The following RAG1 variants were observed in gnomAD, a reference collection of about 807,000 sequenced individuals.
The protein encoded by RAG1 is V(D)J recombination-activating protein 1.
A neutral mutation model predicts 62.7 loss-of-function variants in RAG1; 35 were observed. The observed-to-expected ratio is 0.56, with a 90% CI of 0.43 to 0.74. RAG1 has a LOEUF of 0.74. Among genes scored for constraint, RAG1 ranks in the 30% least tolerant of loss-of-function variants. The probability of loss-of-function intolerance (pLI) is 0.00; values close to 1 mark genes in which losing one functional copy is unlikely to be tolerated. For missense variants in RAG1, 1,169 were observed against 1,278.6 expected, an observed-to-expected ratio of 0.91 and a Z score of 1.31; for synonymous variants, 461 against 470.3, an observed-to-expected ratio of 0.98 and a Z score of 0.26.
chr11:36,544,218 G>C (rs908609311), intron 3 of RAG1, among the ~76,000 whole-genome samples: 2 of 152,148 alleles, frequency 1.3e-5, no homozygotes, highest in Non-Finnish European at 2.9e-5. Context: ...AAGTTAAGGA[G>C]GTTGTCCTGC....
Position 36,575,547 on chromosome 11 carries a change from C to A in RAG1, c.2243C>A (p.Ser748Tyr), listed in dbSNP as rs1314302707. The change falls in exon 2 of 2, where the codon TCT (serine) becomes TAT (tyrosine). Residue 748 changes from serine (S) to tyrosine (Y), a missense_variant. Coordinates refer to ENST00000299440, the MANE Select transcript of RAG1 (RefSeq NM_000448.3). The surrounding 1 kb of genome is among the most constrained non-coding windows in gnomAD (Gnocchi z 4.1). ...LEASQNLVFH[S>Y]ITRSHAENLE... Reference sequence around the variant, plus strand: ...GCCTCTCAAAATCTTGTCTTCCACTCTATAACCAGAAGCCATGCTGAGAAC... The same window carrying A: ...GCCTCTCAAAATCTTGTCTTCCACTATATAACCAGAAGCCATGCTGAGAAC... 6.2e-7 allele frequency: 1 copy of A among 1,614,200 alleles called. No homozygotes were observed.
intron 1 of RAG1, among the ~76,000 whole-genome samples, chr11:36,517,559 C>G (rs987814567): frequency 2.6e-5 from 4 of 152,084 alleles, no homozygotes; most frequent in Non-Finnish European, 5.9e-5. Flanking sequence ...TTTATTAATG[C>G]TATCATACCT....
At chr11:36,540,161 A>G (rs1860393774), downstream of RAG1, among the ~76,000 whole-genome samples, 1 of 152,066 alleles carries the variant, frequency 6.6e-6, no homozygotes, top group Non-Finnish European at 1.5e-5. Context: ...CCGGGGGGAG[A>G]AGCAGTCAGA....
At chr11:36,539,723 C>T (rs1405377349), downstream of RAG1, among the ~76,000 whole-genome samples, 1 of 152,180 alleles carries the variant, frequency 6.6e-6, no homozygotes, top group African/African-American at 2.4e-5. Flanking sequence ...GGTGATCTGC[C>T]CACCTCGGCC....
At chr11:36,540,670 T>A (rs1860403251), downstream of RAG1, among the ~76,000 whole-genome samples, 1 of 152,202 alleles carries the variant, frequency 6.6e-6, no homozygotes, top group Admixed American at 6.5e-5. Context: ...TCTCCCAAAG[T>A]GCTGGGATTA....
At chr11:36,563,067 G>A (rs12282321), upstream of RAG1, among the ~76,000 whole-genome samples, 3 of 152,116 alleles carry the variant, frequency 2.0e-5, no homozygotes, top group Non-Finnish European at 4.4e-5. Flanking sequence ...ATACCAGTAA[G>A]ATTGGATTAG....
downstream of RAG1, among the ~76,000 whole-genome samples, chr11:36,540,867 C>A (rs750858888): frequency 9.2e-5 from 14 of 152,104 alleles, no homozygotes; most frequent in Non-Finnish European, 1.9e-4. Flanking sequence ...ATTTTGACTT[C>A]AACAGTTCAT....
chr11:36,536,451 A>C (rs1041278128), downstream of RAG1, among the ~76,000 whole-genome samples: 1 of 152,104 alleles, frequency 6.6e-6, no homozygotes, highest in African/African-American at 2.4e-5. Context: ...TAAAAGTCTA[A>C]AATAAAACCA....
At chr11:36,516,575 G>A (rs1205277367) in intron 1 of RAG1, among the ~76,000 whole-genome samples, 1 of 152,212 alleles carries the variant, frequency 6.6e-6, no homozygotes, top group East Asian at 1.9e-4. Context: ...ACCTGCCTCG[G>A]CCTCCCAAAG....
chr11:36,550,445 T>C (rs536334798), intron 3 of RAG1, among the ~76,000 whole-genome samples: 2 of 152,172 alleles, frequency 1.3e-5, no homozygotes, highest in Non-Finnish European at 2.9e-5. Flanking sequence ...CCTGAACTTT[T>C]CCTTATGAGG....
At chr11:36,517,519 G>A (rs1428514165) in intron 1 of RAG1, among the ~76,000 whole-genome samples, 1 of 152,168 alleles carries the variant, frequency 6.6e-6, no homozygotes, top group African/African-American at 2.4e-5. Context: ...TGGAAGGTTT[G>A]TGTAAGTGTG....
At chr11:36,563,614 T>A (rs914414491), upstream of RAG1, 5 of 152,188 alleles carry the variant, frequency 3.3e-5, no homozygotes, top group Non-Finnish European at 7.3e-5. Context: ...TGTTCATAAG[T>A]TGAAAGTGAA....
At chr11:36,557,343 C>G (rs1224668786) in intron 3 of RAG1, among the ~76,000 whole-genome samples, 2 of 111,314 alleles carry the variant, frequency 1.8e-5, no homozygotes, top group Non-Finnish European at 3.5e-5. Flanking sequence ...GTCTGAAAAG[C>G]GCAATATTCG....
chr11:36,562,931 C>T (rs111417549), intron 3 of RAG1, among the ~76,000 whole-genome samples: 2,303 of 152,062 alleles, frequency 0.015, 32 homozygotes, highest in Non-Finnish European at 0.021. Flanking sequence ...TGTGATTTCT[C>T]GGGAGGCTTC....
At chr11:36,542,958 A>C (rs1850331616) in intron 3 of RAG1, among the ~76,000 whole-genome samples, 1 of 152,212 alleles carries the variant, frequency 6.6e-6, no homozygotes, top group Non-Finnish European at 1.5e-5. Context: ...AAGCCAGCTG[A>C]AACTCCATTA....
chr11:36,531,457 T>C (rs1860253924), intron 2 of RAG1, among the ~76,000 whole-genome samples: 1 of 151,936 alleles, frequency 6.6e-6, no homozygotes, highest in Non-Finnish European at 1.5e-5. Flanking sequence ...TGATGTTTTA[T>C]ATAGTGGTAT....
At chr11:36,559,420 C>G (rs536206580) in intron 3 of RAG1, among the ~76,000 whole-genome samples, 18 of 152,310 alleles carry the variant, frequency 1.2e-4, no homozygotes, top group African/African-American at 4.3e-4. Context: ...TTTCCTAAGA[C>G]TTGAAAAGTT....
At position 36,577,637 on chromosome 11, in the gene RAG1, C is replaced by A; in HGVS notation, c.*1201C>A. On this transcript the variant is annotated 3_prime_UTR_variant, in exon 2 of 2. Coordinates refer to ENST00000299440, the MANE Select transcript of RAG1 (RefSeq NM_000448.3). ...ATGTTTTCACACTCATTTTTCCTTA[C>A]AACAATTCTGAGGAGTAGGTGTTGT... 6.0e-6 allele frequency: 1 copy of A among 167,180 alleles called. No individual in the cohort carries two copies. The allele number at this position is 167,180 out of a possible 1,614,324, so 10.4% of individuals were successfully genotyped here. A position where few individuals can be genotyped will look rare whatever the true frequency, so the allele number is the denominator to read the frequency against.
At position 36,550,269 on chromosome 11, in the gene RAG1, TA is replaced by T. The variant is rs535767250; in HGVS notation, c.-411-13109del. 2.5e-3 allele frequency among the ~76,000 whole-genome samples: 382 copies of T among 151,738 alleles called. 6 individuals carry two copies. Among genetic ancestry groups the T allele is most frequent in the African/African-American group, 8.8e-3 (366 of 41,420 alleles). On this transcript the variant is annotated intron_variant and NMD_transcript_variant, in intron 3 of 9. Transcript: ENST00000534663. ...CCAGAACTTAAAAGTATAATAATAA[TA>T]AAAAAAGGTTTTTGGTTTTCCAGTT...
Sources: gnomAD v4.1 joint callset for allele counts (sites outside exome capture counted in the v4.1 genomes callset) on GRCh38, gnomAD v4.1.1 for gene constraint, Gnocchi (gnomAD v3.1) non-coding constraint, MANE v1.5 for transcripts, NCBI Gene and HGNC (gene_info 2026-07-23, HGNC 2026-07-21) for gene names.